The following DOCK5 variants were observed in gnomAD, a reference collection of about 807,000 sequenced individuals.
The protein encoded by DOCK5 is dedicator of cytokinesis protein 5.
In DOCK5, 142 loss-of-function variants were observed where a neutral mutation model predicts 251.8. That is an observed-to-expected ratio of 0.56 (90% CI 0.49 to 0.65). The LOEUF (loss-of-function observed/expected upper bound fraction) is 0.65, where lower values mean the gene tolerates loss of function less well. DOCK5 is among the 30% of genes least tolerant of loss of function. The pLI is 0.00. For missense variants in DOCK5, 2,111 were observed against 2,312.3 expected (o/e 0.91, Z 1.79); for synonymous variants, 842 against 835.5 (o/e 1.01, Z -0.13).
chr8:25,339,886 G>A (rs971155606), intron 22 of DOCK5, among the ~76,000 whole-genome samples: 2 of 152,090 alleles, frequency 1.3e-5, no homozygotes, highest in Admixed American at 6.6e-5. Context: ...ATGGATTATC[G>A]AAGGCTACAG....
At chr8:25,362,407 C>G (rs1045086448) in intron 28 of DOCK5, among the ~76,000 whole-genome samples, 4 of 151,106 alleles carry the variant, frequency 2.6e-5, no homozygotes, top group Non-Finnish European at 4.4e-5. Context: ...TCTCATCCAG[C>G]TCTTCTCCTT....
intron 20 of DOCK5, among the ~76,000 whole-genome samples, chr8:25,333,891 A>G (rs750510399): frequency 2.6e-5 from 4 of 152,278 alleles, no homozygotes; most frequent in Admixed American, 6.5e-5. Flanking sequence ...AGCATTTAAC[A>G]TAGTGCCTGA....
rs1453533307 is a variant in DOCK5 at position 25,341,737 on chromosome 8, AG to A, written c.2443del. 2.5e-6 allele frequency: 4 copies of A among 1,574,296 alleles called. No individual in the cohort carries two copies. Among genetic ancestry groups the A allele is most frequent in the Non-Finnish European group, 2.6e-6 (3 of 1,158,024 alleles). ...AATTTGCCTTTGGTGTTTTTCTTAC[AG>A]GGGGCAGCTTTGAAGTACCTTCCTA... is the stretch of plus-strand genomic sequence containing the variant. On this transcript the variant is annotated splice_acceptor_variant, in intron 23 of 51. Coordinates refer to ENST00000276440, the MANE Select transcript of DOCK5 (RefSeq NM_024940.8). LOFTEE classifies it high-confidence loss of function.
intron 13 of DOCK5, among the ~76,000 whole-genome samples, chr8:25,314,407 C>A (rs1805182262): frequency 6.6e-6 from 1 of 151,862 alleles, no homozygotes; most frequent in African/African-American, 2.4e-5. Flanking sequence ...GCATGAGCCA[C>A]AACACTCAGC....
chr8:25,230,790 G>A (rs1436238718), intron 1 of DOCK5, among the ~76,000 whole-genome samples: 1 of 152,160 alleles, frequency 6.6e-6, no homozygotes, highest in African/African-American at 2.4e-5. Flanking sequence ...AGGGGAGGTT[G>A]CAGTGAGCCA....
intron 33 of DOCK5, among the ~76,000 whole-genome samples, 164 bp downstream of exon 33, chr8:25,368,889 A>C (rs1800824638): frequency 6.6e-6 from 1 of 152,256 alleles, no homozygotes; most frequent in African/African-American, 2.4e-5. Context: ...ATAGAGTCAG[A>C]CAGTGCAACC....
intron 2 of DOCK5, among the ~76,000 whole-genome samples, chr8:25,244,913 T>C (rs1367218911): frequency 6.6e-6 from 1 of 152,164 alleles, no homozygotes; most frequent in African/African-American, 2.4e-5. Flanking sequence ...GTGTGAACTC[T>C]TCCCTTTTTC....
At chr8:25,216,129 AAT>A (rs773705989) in intron 1 of DOCK5, among the ~76,000 whole-genome samples, 82 of 151,756 alleles carry the variant, frequency 5.4e-4, no homozygotes, top group Admixed American at 9.2e-4. Flanking sequence ...GTATGTATAC[AAT>A]ATGTCTATAC....
At position 25,325,328 on chromosome 8, in the gene DOCK5, G is replaced by T; in HGVS notation, c.1720-36G>T. The T allele has an allele frequency of 2.5e-6, 4 of 1,595,152 alleles. No individual in the cohort carries two copies. The South Asian group carries it at 4.5e-5, about 18-fold the overall frequency. On this transcript the variant is annotated intron_variant, in intron 17 of 51. Coordinates refer to ENST00000276440, the MANE Select transcript of DOCK5 (RefSeq NM_024940.8). ...TTTTATTTGCATATAAGAGATTTTG[G>T]CCATCATTTGGTGTTCCTAACATGC...
intron 2 of DOCK5, among the ~76,000 whole-genome samples, chr8:25,251,220 G>A (rs1005103489): frequency 6.6e-6 from 1 of 152,156 alleles, no homozygotes; most frequent in Non-Finnish European, 1.5e-5. Flanking sequence ...AGTGATTTCT[G>A]GGGTAAATAC....
chr8:25,207,078 T>G (rs1342522102), intron 1 of DOCK5, among the ~76,000 whole-genome samples: 1 of 152,156 alleles, frequency 6.6e-6, no homozygotes, highest in Non-Finnish European at 1.5e-5. Context: ...CTGAAGAAGT[T>G]TATGTGGCAA....
At chr8:25,387,186 CTTT>C (rs71551804) in intron 40 of DOCK5, among the ~76,000 whole-genome samples, 1 of 124,636 alleles carries the variant, frequency 8.0e-6, no homozygotes. Flanking sequence ...AGACCAGTGA[CTTT>C]TTTTTTTTTT....
intron 2 of DOCK5, among the ~76,000 whole-genome samples, chr8:25,253,642 C>T (rs899678379): frequency 2.0e-5 from 3 of 152,150 alleles, no homozygotes; most frequent in African/African-American, 7.2e-5. Context: ...CATACTTCTC[C>T]TCTTGCTTAT....
intron 1 of DOCK5, among the ~76,000 whole-genome samples, chr8:25,190,823 G>A (rs1437088005): frequency 5.5e-5 from 6 of 108,648 alleles, no homozygotes; most frequent in East Asian, 5.8e-4. Flanking sequence ...TTGCTCTGTC[G>A]CCCAGGGTGG....
intron 37 of DOCK5, 177 bp downstream of exon 37, chr8:25,374,831 A>G: frequency 6.8e-7 from 1 of 1,465,706 alleles, no homozygotes; most frequent in South Asian, 1.3e-5. Context: ...AGTATGGGAA[A>G]ATGTCAGTTA....
intron 46 of DOCK5, 109 bp downstream of exon 46, chr8:25,400,103 T>G: frequency 2.3e-6 from 2 of 857,868 alleles, no homozygotes; most frequent in Non-Finnish European, 3.7e-6. Context: ...TTCTTTCTTT[T>G]TTTAACCCTT....
intron 37 of DOCK5, 180 bp downstream of exon 37, chr8:25,374,834 G>A (rs905196925): frequency 6.9e-7 from 1 of 1,459,782 alleles, no homozygotes; most frequent in Non-Finnish European, 9.0e-7. Context: ...ATGGGAAAAT[G>A]TCAGTTATCT....
chr8:25,279,772 G>T (rs1162771385), intron 5 of DOCK5, among the ~76,000 whole-genome samples: 2 of 150,594 alleles, frequency 1.3e-5, no homozygotes, highest in African/African-American at 4.9e-5. Context: ...GTGCCACCCC[G>T]CCTGGCTAAT....
chr8:25,262,326 A>G (rs990020216), intron 2 of DOCK5, among the ~76,000 whole-genome samples: 6 of 152,052 alleles, frequency 3.9e-5, no homozygotes, highest in Admixed American at 3.9e-4. Flanking sequence ...TTTAGTGTAC[A>G]ATTCTGCAGG....
Sources: allele counts gnomAD v4.1 joint callset (sites outside exome capture counted in the v4.1 genomes callset), GRCh38; gene constraint gnomAD v4.1.1; transcripts MANE v1.5; gene names NCBI Gene and HGNC (gene_info 2026-07-23, HGNC 2026-07-21).